The following CDH13 variants were observed in gnomAD, a reference collection of about 807,000 sequenced individuals.
The protein encoded by CDH13 is cadherin 13.
In CDH13, 24 loss-of-function variants were observed where a neutral mutation model predicts 63.8. The ratio of observed to expected loss-of-function variants is 0.38; its 90% confidence interval spans 0.27 to 0.53. The LOEUF (loss-of-function observed/expected upper bound fraction) is 0.53, where lower values mean the gene tolerates loss of function less well. Among genes scored for constraint, CDH13 ranks in the 20% least tolerant of loss-of-function variants. The pLI is 0.85. For synonymous variants in CDH13, 503 were observed against 355.3 expected, an observed-to-expected ratio of 1.42 and a Z score of -4.67; for missense variants, 1,049 against 903.1, an observed-to-expected ratio of 1.16 and a Z score of -2.07.
chr16:83,025,812 C>A (rs764433715), intron 2 of CDH13, among the ~76,000 whole-genome samples: 3 of 152,146 alleles, frequency 2.0e-5, no homozygotes, highest in Admixed American at 2.0e-4. Flanking sequence ...GGAGACCTGG[C>A]ACCTTGACAA....
intron 6 of CDH13, among the ~76,000 whole-genome samples, chr16:83,351,554 T>C (rs1424628512): frequency 6.6e-6 from 1 of 152,116 alleles, no homozygotes; most frequent in Non-Finnish European, 1.5e-5. Flanking sequence ...TTTTTGTAAA[T>C]CAATAAACAT....
At chr16:83,782,905 A>C (rs1197231335) in intron 12 of CDH13, among the ~76,000 whole-genome samples, 1 of 152,156 alleles carries the variant, frequency 6.6e-6, no homozygotes, top group African/African-American at 2.4e-5. Context: ...ATAAATTTGC[A>C]GGGAGGAGTT....
chr16:83,159,937 A>G lies in CDH13; in HGVS notation c.483+34436A>G, dbSNP rs1329251541. ...TAAAAATACAAAAAATTAGCCGGGC[A>G]TGGTGGTGCATACCTGTAATCTCAG... On this transcript the variant is annotated intron_variant, in intron 4 of 13. Transcript: ENST00000567109. Among the ~76,000 whole-genome samples the G allele has an allele frequency of 2.0e-5, 3 of 152,082 alleles. No homozygotes were observed. The East Asian group carries it at 5.8e-4, about 29-fold the overall frequency.
At chr16:82,658,844 G>C (rs1007471440) in intron 1 of CDH13, among the ~76,000 whole-genome samples, 6 of 152,174 alleles carry the variant, frequency 3.9e-5, no homozygotes, top group African/African-American at 1.4e-4. Flanking sequence ...ATTTTTCCCT[G>C]TTTGTGGGTA....
chr16:83,388,701 C>A (rs1490593816), intron 6 of CDH13, among the ~76,000 whole-genome samples: 2 of 152,084 alleles, frequency 1.3e-5, no homozygotes, highest in African/African-American at 4.8e-5. Context: ...CCATATATTT[C>A]CAAGGGCACA....
At chr16:83,331,647 A>G (rs1216314171) in intron 5 of CDH13, among the ~76,000 whole-genome samples, 2 of 152,236 alleles carry the variant, frequency 1.3e-5, no homozygotes, top group Non-Finnish European at 2.9e-5. Flanking sequence ...ATCACTCAAT[A>G]AAACCACTGT....
intron 5 of CDH13, among the ~76,000 whole-genome samples, chr16:83,221,874 A>G (rs1171477252): frequency 1.3e-5 from 2 of 152,214 alleles, no homozygotes; most frequent in Admixed American, 6.5e-5. Context: ...TTGAGCATCT[A>G]TTAAGTGCCC....
intron 2 of CDH13, among the ~76,000 whole-genome samples, chr16:83,005,481 A>T (rs1195346902): frequency 6.6e-6 from 1 of 151,836 alleles, no homozygotes; most frequent in East Asian, 1.9e-4. Context: ...GAGCTAGGCC[A>T]CTCCCACCAA....
intron 6 of CDH13, among the ~76,000 whole-genome samples, chr16:83,358,478 C>G (rs752381672): frequency 1.3e-5 from 2 of 152,176 alleles, no homozygotes; most frequent in Non-Finnish European, 2.9e-5. Context: ...TGGATTGCTT[C>G]TCTCCAGAAT....
At chr16:83,425,988 TA>T (rs1349348006) in intron 6 of CDH13, among the ~76,000 whole-genome samples, 1 of 152,236 alleles carries the variant, frequency 6.6e-6, no homozygotes, top group Non-Finnish European at 1.5e-5. Context: ...TATAGTAAAT[TA>T]AATTAGAAAT....
chr16:83,746,421 A>T (rs907889223), intron 10 of CDH13, among the ~76,000 whole-genome samples: 1 of 152,202 alleles, frequency 6.6e-6, no homozygotes, highest in African/African-American at 2.4e-5. Flanking sequence ...AACAACCCCA[A>T]GATAACTCAA....
At chr16:82,627,922 G>A (rs914047051) in intron 1 of CDH13, among the ~76,000 whole-genome samples, 4 of 152,232 alleles carry the variant, frequency 2.6e-5, no homozygotes, top group East Asian at 1.9e-4. Flanking sequence ...GGAGCGCAGA[G>A]AAAAGTTCAA....
chr16:83,779,858 A>C, intron 11 of CDH13, 110 bp from the exon 12 acceptor site: 1 of 753,310 alleles, frequency 1.3e-6, no homozygotes, highest in Non-Finnish European at 2.1e-6. Context: ...ACCCTGTCTC[A>C]AAAAATAAAA....
chr16:83,021,300 C>T (rs75668929), intron 2 of CDH13, among the ~76,000 whole-genome samples: 38 of 152,192 alleles, frequency 2.5e-4, no homozygotes, highest in Non-Finnish European at 1.8e-4. Context: ...GTGTCAAGCA[C>T]TGTGCTATAT....
intron 1 of CDH13, among the ~76,000 whole-genome samples, chr16:82,657,498 A>G (rs919464662): frequency 7.9e-5 from 12 of 152,206 alleles, no homozygotes; most frequent in African/African-American, 2.9e-4. Flanking sequence ...TGCAACTCAG[A>G]ACAGCATGTA....
At chr16:83,712,177 C>T (rs1908163553) in intron 10 of CDH13, among the ~76,000 whole-genome samples, 6 of 152,178 alleles carry the variant, frequency 3.9e-5, no homozygotes, top group Admixed American at 3.9e-4. Flanking sequence ...AGGACATCCA[C>T]ATATATATTT....
chr16:83,002,752 G>A (rs1323858928), intron 2 of CDH13, among the ~76,000 whole-genome samples: 1 of 152,146 alleles, frequency 6.6e-6, no homozygotes, highest in African/African-American at 2.4e-5. Context: ...AGGAGGTGAG[G>A]GAATGTGCCG....
intron 1 of CDH13, among the ~76,000 whole-genome samples, chr16:82,652,928 T>C (rs1458956948): frequency 6.6e-6 from 1 of 152,174 alleles, no homozygotes; most frequent in Non-Finnish European, 1.5e-5. Flanking sequence ...ATCCCACTCC[T>C]TCATTAGCTC....
chr16:83,669,080 G>A (rs188319530), intron 8 of CDH13, among the ~76,000 whole-genome samples: 106 of 152,256 alleles, frequency 7.0e-4, no homozygotes, highest in Non-Finnish European at 1.2e-3. Context: ...TTACCCCAGA[G>A]CCTGGGGAAT....
Sources: gnomAD v4.1 joint callset for allele counts (sites outside exome capture counted in the v4.1 genomes callset) on GRCh38, gnomAD v4.1.1 for gene constraint, MANE v1.5 for transcripts, NCBI Gene and HGNC (gene_info 2026-07-23, HGNC 2026-07-21) for gene names.